AFF2: variants seen among roughly 807,000 people sequenced by gnomAD.
The protein encoded by AFF2 is ALF transcription elongation factor 2, also known as AF4/FMR2 family member 2.
A neutral mutation model predicts 76.9 loss-of-function variants in AFF2; 14 were observed. The ratio of observed to expected loss-of-function variants is 0.18; its 90% CI spans 0.12 to 0.28. AFF2 has a LOEUF of 0.28. AFF2 is among the 10% of genes least tolerant of loss of function. The probability of loss-of-function intolerance (pLI) is 1.00; values close to 1 mark genes in which losing one functional copy is unlikely to be tolerated. For synonymous variants in AFF2, 398 were observed against 366.7 expected (o/e 1.09, Z -0.98); for missense variants, 868 against 1,001.1 (o/e 0.87, Z 1.79).
At chrX:148,540,892 A>T (rs1177176631) in intron 1 of AFF2, among the ~76,000 whole-genome samples, 3 of 112,087 alleles carry the variant, frequency 2.7e-5, no homozygotes, top group African/African-American at 9.7e-5. Context: ...AAAATCATGG[A>T]CATCCTTCAG....
chrX:148,686,542 C>T lies in AFF2; in HGVS notation c.1041+23774C>T, dbSNP rs73249432. On this transcript the variant is annotated intron_variant, in intron 3 of 20. Transcript: ENST00000370460. ...GGCATAAACTAGTGAAACAGATGCC[C>T]GACTCCAGCTGAGGGACCTTTGACA... Among the ~76,000 whole-genome samples, 1,042 of 111,546 alleles carry T rather than the reference C, an allele frequency of 9.3e-3. 4 individuals carry two copies. The highest frequency in any genetic ancestry group is 0.014 in the Non-Finnish European group (722 of 53,048).
intron 8 of AFF2, among the ~76,000 whole-genome samples, chrX:148,897,510 C>T (rs1411172069): frequency 9.5e-6 from 1 of 105,438 alleles, no homozygotes; most frequent in African/African-American, 3.4e-5. Flanking sequence ...AAAATGTAGT[C>T]TCATTACCCA....
At chrX:148,677,792 T>A (rs2054501721) in intron 3 of AFF2, among the ~76,000 whole-genome samples, 1 of 112,284 alleles carries the variant, frequency 8.9e-6, no homozygotes, top group African/African-American at 3.2e-5. Context: ...TGATAAAATA[T>A]TGATGGAGAA....
intron 3 of AFF2, among the ~76,000 whole-genome samples, chrX:148,733,597 C>T (rs1006334710): frequency 4.5e-5 from 5 of 111,513 alleles, no homozygotes; most frequent in Admixed American, 9.5e-5. Flanking sequence ...TACTGATGAG[C>T]AAAAATACAT....
Position 148,995,796 on chromosome X carries a change from A to G in AFF2, c.*4464A>G, listed in dbSNP as rs1345209789. On this transcript the variant is annotated 3_prime_UTR_variant, in exon 21 of 21. Transcript: ENST00000370460. ...ATCAGACTTTGAGGAGGGAAGGGGG[A>G]AGTGAAGGAAGCCTACGTCCAGGCC... The G allele has an allele frequency of 8.9e-6, 1 of 112,112 alleles. No individual in the cohort carries two copies. The highest frequency in any genetic ancestry group is 3.2e-5 in the African/African-American group (1 of 30,772). The allele number at this position is 112,112 out of a possible 1,213,427, so 9.2% of individuals were successfully genotyped here.
chrX:148,551,896 G>A (rs1285899412), intron 1 of AFF2, among the ~76,000 whole-genome samples: 2 of 112,406 alleles, frequency 1.8e-5, no homozygotes, highest in Non-Finnish European at 3.8e-5. Context: ...CCTCTGGAGG[G>A]GCTGGAGACT....
intron 7 of AFF2, among the ~76,000 whole-genome samples, chrX:148,881,941 T>TA (rs201601666): frequency 7.2e-5 from 8 of 110,371 alleles, no homozygotes; most frequent in African/African-American, 2.3e-4. Flanking sequence ...TTTACTGTAT[T>TA]AAAAAAAAAT....
chrX:148,507,793 C>A (rs182311404), intron 1 of AFF2, among the ~76,000 whole-genome samples: 31 of 111,822 alleles, frequency 2.8e-4, no homozygotes, highest in African/African-American at 9.7e-4. Flanking sequence ...ATGACCTTAG[C>A]GTCTAACATC....
chrX:148,657,563 C>G (rs2054265459), intron 2 of AFF2, among the ~76,000 whole-genome samples: 1 of 111,611 alleles, frequency 9.0e-6, no homozygotes, highest in African/African-American at 3.3e-5. Flanking sequence ...TTTGCATTTC[C>G]TGAAGTAATG....
chrX:148,934,353 C>G lies in AFF2; in HGVS notation c.1398-19227C>G, dbSNP rs1391059824. Among the ~76,000 whole-genome samples the G allele has an allele frequency of 3.6e-5, 4 of 111,751 alleles. No individual in the cohort carries two copies. The Admixed American group carries it at 3.8e-4, about 11-fold the overall frequency. Reference sequence around the variant, plus strand: ...CTTCCGTGAATGCAGTTTTGTTTGGCCTCCATTCCGCTTTTGACAGTTTCA... The same window carrying G: ...CTTCCGTGAATGCAGTTTTGTTTGGGCTCCATTCCGCTTTTGACAGTTTCA... On this transcript the variant is annotated intron_variant, in intron 9 of 20. Transcript: ENST00000370460.
intron 3 of AFF2, among the ~76,000 whole-genome samples, chrX:148,797,375 G>A (rs1211245143): frequency 9.0e-6 from 1 of 111,661 alleles, no homozygotes; most frequent in Admixed American, 9.5e-5. Context: ...ATATTAAACA[G>A]TATCTCATGA....
chrX:148,723,919 C>CTTTT (rs782084454), intron 3 of AFF2, among the ~76,000 whole-genome samples: 1 of 84,584 alleles, frequency 1.2e-5, no homozygotes, highest in Non-Finnish European at 2.3e-5. Context: ...TTTCTTTTTT[C>CTTTT]TTTTTTTTTT....
chrX:148,643,620 A>G (rs939590881), intron 1 of AFF2, among the ~76,000 whole-genome samples: 22 of 112,318 alleles, frequency 2.0e-4, no homozygotes, highest in African/African-American at 7.1e-4. Context: ...AAAGAAACTC[A>G]GGGATCCTTA....
At chrX:148,889,955 T>C (rs782788921) in intron 8 of AFF2, among the ~76,000 whole-genome samples, 4 of 112,126 alleles carry the variant, frequency 3.6e-5, no homozygotes, top group Non-Finnish European at 5.6e-5. Context: ...CCACTTTACG[T>C]GATAATAATC....
At chrX:148,951,815 T>C in intron 9 of AFF2, among the ~76,000 whole-genome samples, 1 of 103,349 alleles carries the variant, frequency 9.7e-6, no homozygotes, top group Non-Finnish European at 1.9e-5. Context: ...TCTCCTCCCT[T>C]TCCCCCCCAC....
Position 148,837,651 on chromosome X carries a change from T to C in AFF2, c.1091T>C (p.Met364Thr). The change falls in exon 5 of 21, where the codon ATG (methionine) becomes ACG (threonine). Residue 364 changes from methionine to threonine, a missense_variant. Met to Thr is a moderately conservative substitution (Grantham distance 81). This residue lies in a region of AFF2 where 532 missense variants were observed against 564.2 expected (regional missense o/e 0.94). Transcript: ENST00000370460. ...PSCVEEILRE[M>T]THSWPTPLTS... ...TTCTTTATTTTTCCTCATTAGGAGA[T>C]GACCCATTCCTGGCCTACTCCTCTC... 1.7e-6 allele frequency: 2 copies of C among 1,157,095 alleles called. No homozygotes were observed. Among genetic ancestry groups the C allele is most frequent in the South Asian group, 1.8e-5 (1 of 55,084 alleles).
rs1299063318 is a variant in AFF2, at chrX:148,771,703, G to T, written c.1042-38173G>T. 4.5e-5 allele frequency among the ~76,000 whole-genome samples: 5 copies of T among 112,321 alleles called. 1 individual carries two copies. Among genetic ancestry groups the T allele is most frequent in the Admixed American group, 2.8e-4 (3 of 10,593 alleles). ...ACTCATTTGCTCTCTCACTGTAACA[G>T]ATGTTGCTTTTGGAGATGGAAATCA... On this transcript the variant is annotated intron_variant, in intron 3 of 20. Transcript: ENST00000370460.
chrX:148,553,344 A>G (rs188946572), intron 1 of AFF2, among the ~76,000 whole-genome samples: 88 of 112,077 alleles, frequency 7.9e-4, no homozygotes, highest in Non-Finnish European at 1.4e-3. Context: ...TTTTAACACT[A>G]TATTTTCAAT....
At chrX:148,508,645 A>G (rs1390830329) in intron 1 of AFF2, among the ~76,000 whole-genome samples, 5 of 112,073 alleles carry the variant, frequency 4.5e-5, no homozygotes, top group Non-Finnish European at 9.4e-5. Context: ...TTCCCCCTTC[A>G]GGATGTCAGC....
Sources: gnomAD v4.1 joint callset for allele counts (sites outside exome capture counted in the v4.1 genomes callset) on GRCh38, gnomAD v4.1.1 for gene constraint, gnomAD v4.1.1 regional missense constraint, MANE v1.5 for transcripts, NCBI Gene and HGNC (gene_info 2026-07-23, HGNC 2026-07-21) for gene names.